Variants in CHRND observed in about 807,000 individuals in gnomAD.
CHRND encodes cholinergic receptor nicotinic delta subunit.
CHRND carries 40 observed loss-of-function variants against 57.8 expected under a neutral mutation model. The observed-to-expected ratio is 0.69, with a 90% CI of 0.54 to 0.90. CHRND has a LOEUF of 0.90. Among genes scored for constraint, CHRND ranks in the 40% least tolerant of loss-of-function variants. The pLI is 0.00. For synonymous variants in CHRND, 237 were observed against 270.6 expected, an observed-to-expected ratio of 0.88 and a Z score of 1.22; for missense variants, 634 against 673.9, an observed-to-expected ratio of 0.94 and a Z score of 0.66.
In CHRND at chr2:232,528,550, C is replaced by T. The variant is rs1445715157; in HGVS notation, c.403C>T (p.His135Tyr). 3 of 1,614,188 alleles carry T rather than the reference C, an allele frequency of 1.9e-6. No homozygotes were observed. The highest frequency in any genetic ancestry group is 3.3e-5 in the Admixed American group (2 of 60,032). Residue 135 changes from histidine (H) to tyrosine (Y), a missense_variant, in exon 5 of 12, where the codon CAC (histidine) becomes TAC (tyrosine). His to Tyr is a moderately conservative substitution (Grantham distance 83). Coordinates refer to ENST00000258385, the MANE Select transcript of CHRND (RefSeq NM_000751.3). Reference protein sequence around the residue: ...ISYSCNVLVYHYGFVYWLPPA... With the variant: ...ISYSCNVLVYYYGFVYWLPPA... ...CTACTCCTGCAACGTGCTTGTCTAC[C>T]ACTACGGCTTCGTGTACTGGCTGCC...
chr2:232,527,275 C>T lies in CHRND; in HGVS notation c.199-126C>T, dbSNP rs142705712. On this transcript the variant is annotated intron_variant, in intron 2 of 11. Transcript: ENST00000258385. ...GAGCCAAGCTCGTGCCACTGCACTCCATCCTGGGCAATTGAGCAAGACCCT... is the reference window on the plus strand; with the variant it reads ...GAGCCAAGCTCGTGCCACTGCACTCTATCCTGGGCAATTGAGCAAGACCCT... 343 of 886,612 alleles carry T rather than the reference C, an allele frequency of 3.9e-4. 5 individuals carry two copies. The highest frequency in any genetic ancestry group is 3.2e-3 in the Middle Eastern group (14 of 4,400). 54.9% of individuals were successfully genotyped at this position (886,612 alleles called of 1,614,324 possible). A position where few individuals can be genotyped will look rare whatever the true frequency, so the allele number is the denominator to read the frequency against.
At chr2:232,527,482 T>C (rs1028574800) in intron 3 of CHRND, 37 bp downstream of exon 3, 11 of 1,556,744 alleles carry the variant, frequency 7.1e-6, no homozygotes, top group Middle Eastern at 1.8e-4. Context: ...CAGTGGCTCA[T>C]GCCTGTAATC....
In CHRND at chr2:232,536,299, C is replaced by T. The variant is rs1479740237; in HGVS notation, c.*987C>T. 2 of 453,972 alleles carry T rather than the reference C, an allele frequency of 4.4e-6. No homozygotes were observed. Among genetic ancestry groups the T allele is most frequent in the African/African-American group, 4.0e-5 (2 of 49,996 alleles). The allele number at this position is 453,972 out of a possible 1,614,324, so 28.1% of individuals were successfully genotyped here. A position where few individuals can be genotyped will look rare whatever the true frequency, so the allele number is the denominator to read the frequency against. ...GGTCTGGGTAACCAATAGAATGAGG[C>T]AGAAGTGATGGTACCTCACTTCCCA... On this transcript the variant is annotated 3_prime_UTR_variant, in exon 12 of 12. Coordinates refer to ENST00000258385, the MANE Select transcript of CHRND (RefSeq NM_000751.3).
Position 232,528,366 on chromosome 2 carries a change from G to C in CHRND, c.348G>C (p.Glu116Asp). ...DMVWLPEIVL[E>D]NNNDGSFQIS... is the part of the protein sequence containing the mutation. ...TGTGGCTCCCAGAGATTGTGCTGGA[G>C]AACAAGTTGAGCCAAGCCCTCCCTG... The change falls in exon 4 of 12, where the codon GAG becomes GAC. Residue 116 changes from glutamate (E) to aspartate (D), a missense_variant. Glu to Asp is a conservative substitution (Grantham distance 45). Coordinates refer to ENST00000258385, the MANE Select transcript of CHRND (RefSeq NM_000751.3). The C allele has an allele frequency of 6.2e-7, 1 of 1,614,096 alleles. No homozygotes were observed. Among genetic ancestry groups the C allele is most frequent in the South Asian group, 1.1e-5 (1 of 91,052 alleles).
chr2:232,533,229 A>T (rs1287792713), intron 9 of CHRND, among the ~76,000 whole-genome samples: 1 of 152,144 alleles, frequency 6.6e-6, no homozygotes, highest in Non-Finnish European at 1.5e-5. Flanking sequence ...CACGTTGGCC[A>T]TGCTGGTCTC....
At chr2:232,526,288 C>T (rs750216316) in intron 1 of CHRND, 21 bp downstream of exon 1, 20 of 1,609,614 alleles carry the variant, frequency 1.2e-5, no homozygotes, top group Non-Finnish European at 1.4e-5. Flanking sequence ...ACACCCTCCC[C>T]ACCCTGGGGT....
At chr2:232,530,764 G>C (rs1412604355) in intron 7 of CHRND, among the ~76,000 whole-genome samples, 3 of 152,174 alleles carry the variant, frequency 2.0e-5, no homozygotes, top group African/African-American at 4.8e-5. Context: ...GGCTACCACA[G>C]GCAGGAGGAG....
At position 232,528,860 on chromosome 2, in the gene CHRND, A is replaced by G; in HGVS notation, c.510-2A>G. On this transcript the variant is annotated splice_acceptor_variant, in intron 5 of 11. Transcript: ENST00000258385. LOFTEE classifies it high-confidence loss of function. ...TCACTCTCTGCCCATTGCCCTCCCC[A>G]GTTCCCTCAAGTATACGGCCAAAGA... 1 of 1,612,888 alleles carries G rather than the reference A, an allele frequency of 6.2e-7. No homozygotes were observed. The highest frequency in any genetic ancestry group is 8.5e-7 in the Non-Finnish European group (1 of 1,179,068).
intron 3 of CHRND, 61 bp downstream of exon 3, chr2:232,527,506 AG>A: frequency 8.6e-6 from 11 of 1,276,830 alleles, no homozygotes; most frequent in Non-Finnish European, 1.3e-5. Context: ...GCACTTTGGA[AG>A]GCCGAGGGGG....
Position 232,528,960 on chromosome 2 carries a change from A to T in CHRND, c.608A>T (p.Glu203Val). 1.2e-6 allele frequency: 2 copies of T among 1,613,736 alleles called. No individual in the cohort carries two copies. Among genetic ancestry groups the T allele is most frequent in the Non-Finnish European group, 1.7e-6 (2 of 1,179,716 alleles). The change falls in exon 6 of 12, where the codon GAA becomes GTA. Residue 203 changes from glutamate to valine, a missense_variant. Transcript: ENST00000258385. The part of the protein sequence containing the change: ...YPVEWIIIDP[E>V]GFTENGEWEI... ...GTGGAGTGGATCATCATTGATCCTGAAGGCTTCACAGGTGCTGGGAACAGC... is the reference window on the plus strand; with the variant it reads ...GTGGAGTGGATCATCATTGATCCTGTAGGCTTCACAGGTGCTGGGAACAGC...
chr2:232,532,320 T>G (rs1428151054), intron 9 of CHRND, among the ~76,000 whole-genome samples: 1 of 150,802 alleles, frequency 6.6e-6, no homozygotes, highest in Non-Finnish European at 1.5e-5. Flanking sequence ...ATTCAAAAAT[T>G]AGCCAGGCGT....
At position 232,526,598 on chromosome 2, in the gene CHRND, A is replaced by G; in HGVS notation, c.122A>G (p.Glu41Gly). Residue 41 changes from glutamate to glycine, a missense_variant, in exon 2 of 12, where the codon GAG becomes GGG. Coordinates refer to ENST00000258385, the MANE Select transcript of CHRND (RefSeq NM_000751.3). The stretch of plus-strand genomic sequence containing the variant: ...TTTCAAGAGAAGGGCTACAACAAGG[A>G]GCTCCGGCCCGTGGCACACAAAGAG... ...HLFQEKGYNKELRPVAHKEES... is the reference protein window; with the variant it reads ...HLFQEKGYNKGLRPVAHKEES... 2 of 1,613,736 alleles carry G rather than the reference A, an allele frequency of 1.2e-6. No homozygotes were observed. Among genetic ancestry groups the G allele is most frequent in the Non-Finnish European group, 1.7e-6 (2 of 1,179,994 alleles).
intron 9 of CHRND, among the ~76,000 whole-genome samples, chr2:232,533,023 CT>C (rs567364813): frequency 6.6e-6 from 1 of 151,966 alleles, no homozygotes; most frequent in African/African-American, 2.4e-5. Flanking sequence ...TTTAGCAACT[CT>C]TTTTTTTCTT....
At chr2:232,528,999 G>C in intron 6 of CHRND, 28 bp downstream of exon 6, 3 of 1,560,244 alleles carry the variant, frequency 1.9e-6, no homozygotes, top group Non-Finnish European at 2.7e-6. Context: ...CAGTGGGTGG[G>C]CAGGTCCCTC....
rs1242056715 is a variant in CHRND, at chr2:232,534,120, C to T, written c.1237C>T (p.Arg413Cys). The change falls in exon 10 of 12, where the codon CGC becomes TGC. Residue 413 changes from arginine (R) to cysteine (C), a missense_variant. Physicochemically the swap from Arg to Cys is radical, Grantham distance 180. Transcript: ENST00000258385. ...KQSERHGLAR[R>C]LTTARRPPAS... is the part of the protein sequence containing the mutation. Reference sequence around the variant, plus strand: ...GTCAGAGCGGCATGGGCTGGCCAGGCGCCTCACCACTGCACGTGGGTCCCC... The same window carrying T: ...GTCAGAGCGGCATGGGCTGGCCAGGTGCCTCACCACTGCACGTGGGTCCCC... 1.2e-5 allele frequency: 19 copies of T among 1,613,972 alleles called. No individual in the cohort carries two copies. The highest frequency in any genetic ancestry group is 4.5e-5 in the East Asian group (2 of 44,894).
At position 232,535,157 on chromosome 2, in the gene CHRND, C is replaced by G; in HGVS notation, c.1399C>G (p.Arg467Gly). 6.2e-7 allele frequency: 1 copy of G among 1,614,200 alleles called. No homozygotes were observed. The highest frequency in any genetic ancestry group is 8.5e-7 in the Non-Finnish European group (1 of 1,180,034). ...GAAAGACAGCTGGAACCGAGTGGCC[C>G]GCACAGTGGACCGCCTCTGCCTGTT... ...EEKDSWNRVA[R>G]TVDRLCLFVV... is the part of the protein sequence containing the mutation. Residue 467 changes from arginine to glycine, a missense_variant, in exon 12 of 12, where the codon CGC (arginine) becomes GGC (glycine). Physicochemically the swap from Arg to Gly is moderately radical, Grantham distance 125. Transcript: ENST00000258385.
intron 9 of CHRND, among the ~76,000 whole-genome samples, chr2:232,532,561 CG>C (rs751832723): frequency 1.6e-4 from 25 of 151,912 alleles, no homozygotes; most frequent in Admixed American, 7.9e-4. Flanking sequence ...TATACTCCCA[CG>C]GGAGTGCCGC....
intron 2 of CHRND, 126 bp from the exon 3 acceptor site, chr2:232,527,275 C>A: frequency 1.1e-6 from 1 of 886,610 alleles, no homozygotes; most frequent in East Asian, 2.4e-5. Context: ...CACTGCACTC[C>A]ATCCTGGGCA....
At position 232,533,975 on chromosome 2, in the gene CHRND, A is replaced by G; in HGVS notation, c.1092A>G (p.Pro364=). The G allele has an allele frequency of 6.2e-7, 1 of 1,613,658 alleles. No homozygotes were observed. Among genetic ancestry groups the G allele is most frequent in the Non-Finnish European group, 8.5e-7 (1 of 1,180,006 alleles). ...TLPELLHMSR[P]AEDGPSPGAL... ...CGGAGCTCCTGCACATGTCCCGCCCAGCAGAGGATGGACCCAGCCCTGGGG... is the reference window on the plus strand; with the variant it reads ...CGGAGCTCCTGCACATGTCCCGCCCGGCAGAGGATGGACCCAGCCCTGGGG... The change falls in exon 10 of 12, where the codon CCA becomes CCG. Residue 364 remains proline (P), a synonymous_variant. Coordinates refer to ENST00000258385, the MANE Select transcript of CHRND (RefSeq NM_000751.3).
Sources: gnomAD v4.1 joint callset for allele counts (sites outside exome capture counted in the v4.1 genomes callset) on GRCh38, gnomAD v4.1.1 for gene constraint, MANE v1.5 for transcripts, NCBI Gene and HGNC (gene_info 2026-07-23, HGNC 2026-07-21) for gene names.